CADM2: variants seen among roughly 807,000 people sequenced by gnomAD.
CADM2 encodes cell adhesion molecule 2, also known as immunoglobulin superfamily member 4D.
CADM2 carries 12 observed loss-of-function variants against 49.8 expected under a neutral mutation model. The observed-to-expected ratio is 0.24, with a 90% CI of 0.15 to 0.39. The LOEUF (loss-of-function observed/expected upper bound fraction) is 0.39, where lower values mean the gene tolerates loss of function less well. Ranked by LOEUF, CADM2 falls within the 10% of genes least tolerant of loss-of-function variation. The pLI, the probability that CADM2 is intolerant of heterozygous loss-of-function variation, is 1.00. For synonymous variants in CADM2, 214 were observed against 175.4 expected (o/e 1.22, Z -1.74); for missense variants, 378 against 492.3 (o/e 0.77, Z 2.20).
At chr3:85,342,745 G>A (rs1466928614) in intron 1 of CADM2, among the ~76,000 whole-genome samples, 4 of 152,030 alleles carry the variant, frequency 2.6e-5, no homozygotes, top group Non-Finnish European at 4.4e-5. Context: ...CAAATAGAAA[G>A]CAAAGAAGAA....
At chr3:85,797,977 T>C (rs2071729369) in intron 2 of CADM2, among the ~76,000 whole-genome samples, 1 of 152,230 alleles carries the variant, frequency 6.6e-6, no homozygotes, top group South Asian at 2.1e-4. Flanking sequence ...TAGTATCTCA[T>C]TGTGGTTTTG....
At chr3:85,679,753 A>G (rs781636964) in intron 1 of CADM2, among the ~76,000 whole-genome samples, 11 of 152,146 alleles carry the variant, frequency 7.2e-5, no homozygotes, top group Non-Finnish European at 1.5e-4. Context: ...AGCTTATTAT[A>G]TAATGACTAT....
At chr3:85,458,028 T>C (rs929864355) in intron 1 of CADM2, among the ~76,000 whole-genome samples, 13 of 152,318 alleles carry the variant, frequency 8.5e-5, no homozygotes, top group Admixed American at 6.5e-4. Flanking sequence ...CACATTTTTC[T>C]TTCCACAATT....
chr3:85,955,448 C>T (rs1723935103), intron 7 of CADM2, among the ~76,000 whole-genome samples: 1 of 151,382 alleles, frequency 6.6e-6, no homozygotes, highest in Non-Finnish European at 1.5e-5. Context: ...CATTACTGAA[C>T]TTCTTGTTTT....
intron 1 of CADM2, among the ~76,000 whole-genome samples, chr3:85,151,830 AT>A (rs1386576825): frequency 6.6e-6 from 1 of 152,194 alleles, no homozygotes; most frequent in Non-Finnish European, 1.5e-5. Context: ...TTCACAGCAG[AT>A]TTATAAGTAA....
chr3:85,052,154 C>T (rs1158177118), intron 1 of CADM2, among the ~76,000 whole-genome samples: 2 of 152,076 alleles, frequency 1.3e-5, no homozygotes, highest in Non-Finnish European at 2.9e-5. Flanking sequence ...TCTTTTATAG[C>T]TAGATGCAAT....
chr3:85,473,250 G>T (rs1342614005), intron 1 of CADM2, among the ~76,000 whole-genome samples: 3 of 151,976 alleles, frequency 2.0e-5, no homozygotes, highest in African/African-American at 7.2e-5. Flanking sequence ...GAGAGATAAC[G>T]AAGGAGGTAA....
At chr3:85,847,725 C>T (rs1018137011) in intron 3 of CADM2, among the ~76,000 whole-genome samples, 4 of 152,004 alleles carry the variant, frequency 2.6e-5, no homozygotes, top group African/African-American at 9.7e-5. Context: ...ATATTGTTGA[C>T]ATTAAAGAAA....
intron 3 of CADM2, among the ~76,000 whole-genome samples, chr3:85,871,702 C>G (rs553007805): frequency 2.0e-5 from 3 of 152,116 alleles, no homozygotes; most frequent in Admixed American, 2.0e-4. Flanking sequence ...ATTACTCTAT[C>G]GTTGTCATCA....
intron 1 of CADM2, among the ~76,000 whole-genome samples, chr3:85,704,836 C>T (rs2066888455): frequency 6.6e-6 from 1 of 150,926 alleles, no homozygotes; most frequent in South Asian, 2.1e-4. Context: ...ATTTAAACCC[C>T]CTTCTCTTTA....
chr3:85,479,567 C>A (rs2039124585), intron 1 of CADM2, among the ~76,000 whole-genome samples: 1 of 151,892 alleles, frequency 6.6e-6, no homozygotes, highest in Non-Finnish European at 1.5e-5. Flanking sequence ...CGATTTGTCT[C>A]CTCCCAAAAC....
intron 8 of CADM2, among the ~76,000 whole-genome samples, chr3:85,986,361 G>A (rs1170238713): frequency 6.6e-6 from 1 of 152,064 alleles, no homozygotes; most frequent in Non-Finnish European, 1.5e-5. Context: ...AACATTTGGA[G>A]TAGTAGAATA....
At chr3:85,911,103 T>C (rs1717525183) in intron 5 of CADM2, among the ~76,000 whole-genome samples, 1 of 152,122 alleles carries the variant, frequency 6.6e-6, no homozygotes, top group Non-Finnish European at 1.5e-5. Flanking sequence ...TGAAAGGTCT[T>C]ATTTACTGAC....
intron 1 of CADM2, among the ~76,000 whole-genome samples, chr3:85,101,911 C>CCACAGTGT (rs1200025534): frequency 2.0e-5 from 3 of 151,998 alleles, no homozygotes; most frequent in Non-Finnish European, 2.9e-5. Context: ...AAGATGACAC[C>CCACAGTGT]CACAGTGTGT....
intron 1 of CADM2, among the ~76,000 whole-genome samples, chr3:85,047,413 G>A (rs1208629785): frequency 2.6e-5 from 4 of 152,026 alleles, no homozygotes; most frequent in African/African-American, 7.2e-5. Flanking sequence ...GGTCCCCAAG[G>A]CTATTTTAAT....
chr3:85,252,687 T>G (rs530560044), intron 1 of CADM2, among the ~76,000 whole-genome samples: 2 of 152,116 alleles, frequency 1.3e-5, no homozygotes, highest in East Asian at 3.9e-4. Flanking sequence ...TAGTTAAACA[T>G]TTAGTCTCAA....
chr3:84,967,308 A>G (rs979187269), intron 1 of CADM2, among the ~76,000 whole-genome samples: 2 of 152,114 alleles, frequency 1.3e-5, no homozygotes, highest in Admixed American at 1.3e-4. Context: ...TAAAATTTAT[A>G]GTGTGTAAAA....
At chr3:85,828,427 A>G (rs982833504) in intron 3 of CADM2, among the ~76,000 whole-genome samples, 3 of 151,972 alleles carry the variant, frequency 2.0e-5, no homozygotes, top group African/African-American at 4.8e-5. Context: ...AGAAAAGAGA[A>G]AAAAGACTTC....
At chr3:85,431,395 G>A (rs552920573) in intron 1 of CADM2, among the ~76,000 whole-genome samples, 3 of 152,154 alleles carry the variant, frequency 2.0e-5, no homozygotes, top group Admixed American at 6.6e-5. Flanking sequence ...TTACCTCATT[G>A]GATAAGTTAC....
Sources: gnomAD v4.1 joint callset for allele counts (sites outside exome capture counted in the v4.1 genomes callset) on GRCh38, gnomAD v4.1.1 for gene constraint, MANE v1.5 for transcripts, NCBI Gene and HGNC (gene_info 2026-07-23, HGNC 2026-07-21) for gene names.